EMB: variants seen among roughly 807,000 people sequenced by gnomAD.
EMB encodes the protein embigin homolog.
In EMB, 31 loss-of-function variants were observed where a neutral mutation model predicts 41.4. The observed-to-expected ratio is 0.75, with a 90% CI of 0.56 to 1.01. EMB has a LOEUF of 1.01. EMB is among the 50% of genes least tolerant of loss of function. The probability of loss-of-function intolerance (pLI) is 0.00; values close to 1 mark genes in which losing one functional copy is unlikely to be tolerated. For synonymous variants in EMB, 137 were observed against 140.4 expected, an observed-to-expected ratio of 0.98 and a Z score of 0.17; for missense variants, 379 against 388.3, an observed-to-expected ratio of 0.98 and a Z score of 0.20.
intron 1 of EMB, among the ~76,000 whole-genome samples, chr5:50,438,945 A>G (rs1428054560): frequency 6.6e-6 from 1 of 150,772 alleles, no homozygotes; most frequent in Non-Finnish European, 1.5e-5. Flanking sequence ...CTGCATATCA[A>G]CTTAACCCTG....
chr5:50,405,508 C>T (rs1314802159), intron 5 of EMB, among the ~76,000 whole-genome samples: 2 of 151,814 alleles, frequency 1.3e-5, no homozygotes, highest in African/African-American at 2.4e-5. Flanking sequence ...GCTAATGAAA[C>T]GTTAAGAGTA....
chr5:50,408,505 A>G lies in EMB; in HGVS notation c.472+2372T>C, dbSNP rs1362003869. On this transcript the variant is annotated intron_variant, in intron 4 of 8. Transcript: ENST00000303221. ...TCTTGAGGGCCTTTTACAACTTTGT[A>G]GTAGTAAATCAACCAGCACCCATAA... Among the ~76,000 whole-genome samples the G allele has an allele frequency of 3.9e-5, 6 of 152,172 alleles. No homozygotes were observed. The East Asian group carries it at 9.7e-4, about 24-fold the overall frequency.
At chr5:50,420,696 C>T (rs1745505762) in intron 2 of EMB, among the ~76,000 whole-genome samples, 1 of 152,178 alleles carries the variant, frequency 6.6e-6, no homozygotes. Flanking sequence ...GGGAAGTCTG[C>T]CATGTTCACC....
At chr5:50,426,568 G>A (rs945526488) in intron 2 of EMB, among the ~76,000 whole-genome samples, 8 of 152,042 alleles carry the variant, frequency 5.3e-5, no homozygotes, top group South Asian at 2.1e-4. Context: ...TACAATTAAC[G>A]TATTGTATTT....
intron 1 of EMB, among the ~76,000 whole-genome samples, chr5:50,440,294 G>A (rs1010513999): frequency 1.3e-5 from 2 of 152,082 alleles, no homozygotes; most frequent in African/African-American, 2.4e-5. Flanking sequence ...AGCACTTTGG[G>A]AGGCCGAAGC....
chr5:50,439,626 T>C (rs1219252832), intron 1 of EMB, among the ~76,000 whole-genome samples: 3 of 151,720 alleles, frequency 2.0e-5, no homozygotes, highest in African/African-American at 7.3e-5. Context: ...TCTTTATAAG[T>C]GGTATTATGG....
intron 1 of EMB, among the ~76,000 whole-genome samples, chr5:50,434,593 T>C (rs538596766): frequency 2.2e-4 from 33 of 152,316 alleles, no homozygotes; most frequent in African/African-American, 7.9e-4. Flanking sequence ...TCAAGATCAA[T>C]GAAACAAGGT....
At chr5:50,403,717 T>C (rs919565176) in intron 5 of EMB, among the ~76,000 whole-genome samples, 6 of 151,960 alleles carry the variant, frequency 3.9e-5, no homozygotes, top group African/African-American at 1.4e-4. Context: ...AAATAGGTCA[T>C]CATGAATAAA....
intron 4 of EMB, among the ~76,000 whole-genome samples, chr5:50,406,413 A>AATAT (rs376636127): frequency 6.6e-6 from 1 of 150,464 alleles, no homozygotes; most frequent in African/African-American, 2.4e-5. Flanking sequence ...GGTTTTGTAA[A>AATAT]ATATATATAT....
intron 1 of EMB, 94 bp downstream of exon 1, chr5:50,440,946 C>T: frequency 1.1e-6 from 1 of 943,058 alleles, no homozygotes. Flanking sequence ...CCCCGCCACC[C>T]TTGCCCGGCG....
At chr5:50,427,995 T>C (rs1216390269) in intron 2 of EMB, 149 bp downstream of exon 2, 2 of 573,184 alleles carry the variant, frequency 3.5e-6, no homozygotes, top group Non-Finnish European at 3.1e-6. Flanking sequence ...CTCACCACAT[T>C]AGATTCCCAG....
intron 2 of EMB, among the ~76,000 whole-genome samples, chr5:50,427,567 G>A (rs188122476): frequency 6.6e-6 from 1 of 151,844 alleles, no homozygotes; most frequent in East Asian, 1.9e-4. Flanking sequence ...GGAGTGCAGT[G>A]GCTCAACTTC....
At chr5:50,436,182 T>A (rs1167989157) in intron 1 of EMB, among the ~76,000 whole-genome samples, 3 of 152,230 alleles carry the variant, frequency 2.0e-5, no homozygotes, top group African/African-American at 7.2e-5. Context: ...TACACTTATG[T>A]ATATGATATG....
rs1386941925 is a variant in EMB at position 50,396,884 on chromosome 5, C to T, written c.*2389G>A. 2 of 151,790 alleles carry T rather than the reference C, an allele frequency of 1.3e-5. No homozygotes were observed. Among genetic ancestry groups the T allele is most frequent in the Non-Finnish European group, 2.9e-5 (2 of 67,954 alleles). 9.4% of individuals were successfully genotyped at this position (151,790 alleles called of 1,614,324 possible). On this transcript the variant is annotated 3_prime_UTR_variant, in exon 9 of 9. Transcript: ENST00000303221. Reference sequence around the variant, plus strand: ...GGTCAAAGGAGCAGGGATTCATGACCCATAAGTATTAATTAATACAGAAGA... The same window carrying T: ...GGTCAAAGGAGCAGGGATTCATGACTCATAAGTATTAATTAATACAGAAGA...
At chr5:50,399,808 T>G (rs1017760933) in intron 8 of EMB, 51 bp downstream of exon 8, 13 of 1,405,264 alleles carry the variant, frequency 9.3e-6, no homozygotes, top group South Asian at 6.0e-5. Flanking sequence ...AGATAGCCTA[T>G]GTATATTGAA....
At chr5:50,438,277 A>G (rs7735878) in intron 1 of EMB, among the ~76,000 whole-genome samples, 29 of 152,338 alleles carry the variant, frequency 1.9e-4, no homozygotes, top group Middle Eastern at 3.4e-3. Flanking sequence ...CAATTTCTTC[A>G]TCTTGAGCCC....
upstream of EMB, among the ~76,000 whole-genome samples, chr5:50,442,697 A>C (rs1561144363): frequency 6.6e-6 from 1 of 152,206 alleles, no homozygotes; most frequent in African/African-American, 2.4e-5. Flanking sequence ...GGGCTTGCTA[A>C]ACCCAAATTG....
chr5:50,408,965 A>ATATT (rs1202801339), intron 4 of EMB, among the ~76,000 whole-genome samples: 3 of 152,122 alleles, frequency 2.0e-5, no homozygotes, highest in African/African-American at 7.2e-5. Context: ...TATCTTCAAG[A>ATATT]TATAATACAT....
intron 5 of EMB, among the ~76,000 whole-genome samples, chr5:50,405,062 T>C (rs1745226234): frequency 6.6e-6 from 1 of 151,920 alleles, no homozygotes; most frequent in South Asian, 2.1e-4. Context: ...ATGTCCTAAA[T>C]TTTCCTGCCA....
Sources: gnomAD v4.1 joint callset for allele counts (sites outside exome capture counted in the v4.1 genomes callset) on GRCh38, gnomAD v4.1.1 for gene constraint, MANE v1.5 for transcripts, NCBI Gene and HGNC (gene_info 2026-07-23, HGNC 2026-07-21) for gene names.